Variants in CAPN3 observed in about 807,000 individuals in gnomAD.
CAPN3 encodes calpain-3.
In CAPN3, 88 loss-of-function variants were observed where a neutral mutation model predicts 114.0. The ratio of observed to expected loss-of-function variants is 0.77; its 90% CI spans 0.65 to 0.92. The LOEUF is 0.92. Ranked by LOEUF, CAPN3 falls within the 40% of genes least tolerant of loss-of-function variation. CAPN3 has a pLI of 0.00. For missense variants in CAPN3, 1,028 were observed against 1,069.0 expected, an observed-to-expected ratio of 0.96 and a Z score of 0.53; for synonymous variants, 386 against 382.9, an observed-to-expected ratio of 1.01 and a Z score of -0.09.
intron 6 of CAPN3, among the ~76,000 whole-genome samples, chr15:42,391,091 C>A (rs1294359166): frequency 6.6e-6 from 1 of 152,132 alleles, no homozygotes; most frequent in Admixed American, 6.5e-5. Context: ...CCACACCCGG[C>A]CTAGTTTGAT....
At chr15:42,377,086 T>G (rs1245248647) in intron 1 of CAPN3, among the ~76,000 whole-genome samples, 1 of 152,246 alleles carries the variant, frequency 6.6e-6, no homozygotes, top group African/African-American at 2.4e-5. Flanking sequence ...GTTTGGAATT[T>G]TCTACATAGA....
intron 23 of CAPN3, among the ~76,000 whole-genome samples, 178 bp from the exon 24 acceptor site, chr15:42,411,569 C>T (rs1181970318): frequency 1.3e-5 from 2 of 151,486 alleles, no homozygotes; most frequent in Non-Finnish European, 2.9e-5. Context: ...AAAACATGCA[C>T]CTTCTTAGGG....
chr15:42,408,591 G>C, intron 16 of CAPN3: 1 of 445,122 alleles, frequency 2.2e-6, no homozygotes, highest in South Asian at 1.9e-5. Context: ...ATACAGAGAA[G>C]GGGAGGCAAA....
chr15:42,385,753 C>T (rs776966081), intron 2 of CAPN3: 1 of 523,300 alleles, frequency 1.9e-6, no homozygotes, highest in South Asian at 1.4e-5. Context: ...CTCTGAGGCT[C>T]AGTCTTCGCT....
intron 17 of CAPN3, 25 bp from the exon 18 acceptor site, chr15:42,409,762 G>A: frequency 6.2e-7 from 1 of 1,608,374 alleles, no homozygotes; most frequent in Middle Eastern, 1.7e-4. Flanking sequence ...CCTGAACCAT[G>A]ACCCTCCTCT....
At chr15:42,394,127 G>T in intron 7 of CAPN3, 129 bp from the exon 8 acceptor site, 1 of 851,696 alleles carries the variant, frequency 1.2e-6, no homozygotes, top group Non-Finnish European at 2.0e-6. Flanking sequence ...TAATCTCCTT[G>T]GCCAGAGCCA....
intron 8 of CAPN3, 89 bp from the exon 9 acceptor site, chr15:42,396,711 C>A: frequency 9.8e-7 from 1 of 1,022,194 alleles, no homozygotes. Context: ...GCAGCTGCAA[C>A]TCTTTGTATT....
intron 7 of CAPN3, 80 bp downstream of exon 7, chr15:42,392,802 C>T (rs898509495): frequency 2.1e-5 from 23 of 1,115,040 alleles, no homozygotes; most frequent in African/African-American, 4.6e-5. Flanking sequence ...TGTTGGGGCC[C>T]CTTCCCTGTC....
In CAPN3 at chr15:42,394,522, C is replaced by A. The variant is rs28364457; in HGVS notation, c.1115+181C>A. 8.7e-3 allele frequency among the ~76,000 whole-genome samples: 1,326 copies of A among 152,150 alleles called. 19 individuals carry two copies. The highest frequency in any genetic ancestry group is 0.03 in the African/African-American group (1,262 of 41,506). Reference sequence around the variant, plus strand: ...TCCAGGGAAGGGCCAGGAGTGGAAGCGGGGTGCTGGGGACCCAGAGAGGTT... The same window carrying A: ...TCCAGGGAAGGGCCAGGAGTGGAAGAGGGGTGCTGGGGACCCAGAGAGGTT... On this transcript the variant is annotated intron_variant, in intron 8 of 23. Coordinates refer to ENST00000397163, the MANE Select transcript of CAPN3 (RefSeq NM_000070.3).
At position 42,411,202 on chromosome 15, in the gene CAPN3, G is replaced by A. The variant is rs568765768; in HGVS notation, c.2381-85G>A. On this transcript the variant is annotated intron_variant, in intron 22 of 23. Coordinates refer to ENST00000397163, the MANE Select transcript of CAPN3 (RefSeq NM_000070.3). ...TTTGTGCTGATGAGGGACAGCACTG[G>A]GCACATGGTCCTCTGAGGGGAAGTT... The A allele has an allele frequency of 3.1e-5, 37 of 1,179,724 alleles. No individual in the cohort carries two copies. The South Asian group carries it at 4.2e-4, about 14-fold the overall frequency. The allele number at this position is 1,179,724 out of a possible 1,614,324, so 73.1% of individuals were successfully genotyped here. A position where few individuals can be genotyped will look rare whatever the true frequency, so the allele number is the denominator to read the frequency against.
At chr15:42,379,235 C>T (rs1010983974) in intron 1 of CAPN3, among the ~76,000 whole-genome samples, 16 of 151,838 alleles carry the variant, frequency 1.1e-4, no homozygotes, top group East Asian at 3.9e-4. Context: ...TCGCTTGAAC[C>T]GGGAGGTAGA....
intron 1 of CAPN3, among the ~76,000 whole-genome samples, chr15:42,376,550 G>GT (rs35473621): frequency 5.4e-4 from 77 of 143,552 alleles, no homozygotes; most frequent in East Asian, 1.0e-3. Flanking sequence ...TTGTTTGTGG[G>GT]TTTTTTTTTT....
At position 42,411,893 on chromosome 15, in the gene CAPN3, C is replaced by T; in HGVS notation, c.*120C>T. ...CTACACCCCTACAGGCTTCCAGGCACCTCATCAGTCATGCTCCTCCTCCAT... is the reference window on the plus strand; with the variant it reads ...CTACACCCCTACAGGCTTCCAGGCATCTCATCAGTCATGCTCCTCCTCCAT... On this transcript the variant is annotated 3_prime_UTR_variant, in exon 24 of 24. Coordinates refer to ENST00000397163, the MANE Select transcript of CAPN3 (RefSeq NM_000070.3). 1.9e-6 allele frequency: 3 copies of T among 1,586,864 alleles called. No homozygotes were observed. In the South Asian group the frequency reaches 3.4e-5, roughly 18 times the overall value.
Position 42,409,115 on chromosome 15 carries a change from G to T in CAPN3, c.1915-188G>T. On this transcript the variant is annotated intron_variant, in intron 16 of 23. Coordinates refer to ENST00000397163, the MANE Select transcript of CAPN3 (RefSeq NM_000070.3). ...GGCTGGGGGCGTCAGGGCTGGAGAGGTGTGAAGAGTCCCTGAGGCCTCGAT... is the reference window on the plus strand; with the variant it reads ...GGCTGGGGGCGTCAGGGCTGGAGAGTTGTGAAGAGTCCCTGAGGCCTCGAT... 6.2e-6 allele frequency: 4 copies of T among 641,940 alleles called. No homozygotes were observed. In the East Asian group the frequency reaches 8.3e-5, roughly 13 times the overall value. The allele number at this position is 641,940 out of a possible 1,614,324, so 39.8% of individuals were successfully genotyped here.
chr15:42,398,318 C>G lies in CAPN3; in HGVS notation c.1194-1174C>G, dbSNP rs983325876. On this transcript the variant is annotated intron_variant, in intron 9 of 23. Transcript: ENST00000397163. ...AAGATATATAGGCTGGGCGTGGTGGCTTATGCCTGTAATCCCAGCACCTTG... is the reference window on the plus strand; with the variant it reads ...AAGATATATAGGCTGGGCGTGGTGGGTTATGCCTGTAATCCCAGCACCTTG... Among the ~76,000 whole-genome samples, 85 of 152,078 alleles carry G rather than the reference C, an allele frequency of 5.6e-4. 1 individual carries two copies. The highest frequency in any genetic ancestry group is 1.9e-3 in the African/African-American group (80 of 41,470).
At chr15:42,363,869 G>A (rs1441053848) in intron 1 of CAPN3, among the ~76,000 whole-genome samples, 2 of 152,242 alleles carry the variant, frequency 1.3e-5, no homozygotes, top group Non-Finnish European at 2.9e-5. Flanking sequence ...CCCAGTTAGT[G>A]AGGGTTGGAG....
intron 1 of CAPN3, among the ~76,000 whole-genome samples, chr15:42,365,063 T>C (rs764359686): frequency 2.0e-4 from 31 of 152,182 alleles, no homozygotes; most frequent in Non-Finnish European, 3.8e-4. Context: ...CAGTGGACCC[T>C]GACAACAATG....
intron 1 of CAPN3, among the ~76,000 whole-genome samples, chr15:42,368,335 A>G (rs2052842398): frequency 6.6e-6 from 1 of 152,012 alleles, no homozygotes; most frequent in African/African-American, 2.4e-5. Flanking sequence ...TGTGCTTTTT[A>G]TTGGTGACCT....
rs1471228630 is a variant in CAPN3, at chr15:42,411,276, T to C, written c.2381-11T>C. On this transcript the variant is annotated splice_polypyrimidine_tract_variant and intron_variant, in intron 22 of 23. Coordinates refer to ENST00000397163, the MANE Select transcript of CAPN3 (RefSeq NM_000070.3). Reference sequence around the variant, plus strand: ...CTGTAACTGGCCTCTGGCCTGTGCATTCTTTCACAGGAGCTTTTCATGCAT... The same window carrying C: ...CTGTAACTGGCCTCTGGCCTGTGCACTCTTTCACAGGAGCTTTTCATGCAT... 3.1e-6 allele frequency: 5 copies of C among 1,613,088 alleles called. No homozygotes were observed. In the Admixed American group the frequency reaches 6.7e-5, roughly 21 times the overall value.
Sources: gnomAD v4.1 joint callset for allele counts (sites outside exome capture counted in the v4.1 genomes callset) on GRCh38, gnomAD v4.1.1 for gene constraint, MANE v1.5 for transcripts, NCBI Gene and HGNC (gene_info 2026-07-23, HGNC 2026-07-21) for gene names.